ZNF726: variants seen among roughly 807,000 people sequenced by gnomAD.
ZNF726 encodes zinc finger protein 726.
A neutral mutation model predicts 11.6 loss-of-function variants in ZNF726; 15 were observed. The observed-to-expected ratio is 1.29, with a 90% CI of 0.86 to 1.99. The LOEUF (loss-of-function observed/expected upper bound fraction) is 1.99, where lower values mean the gene tolerates loss of function less well. Among genes scored for constraint, ZNF726 ranks in the 30% most tolerant of loss-of-function variants. The pLI, the probability that ZNF726 is intolerant of heterozygous loss-of-function variation, is 0.00. For synonymous variants in ZNF726, 295 were observed against 243.6 expected, an observed-to-expected ratio of 1.21 and a Z score of -1.96; for missense variants, 890 against 725.6, an observed-to-expected ratio of 1.23 and a Z score of -2.60.
At chr19:23,929,925 G>A (rs1001765609) in intron 3 of ZNF726, among the ~76,000 whole-genome samples, 1 of 151,994 alleles carries the variant, frequency 6.6e-6, no homozygotes, top group African/African-American at 2.4e-5. Flanking sequence ...GTTTTATGAT[G>A]CTGTCCAGTA....
intron 3 of ZNF726, among the ~76,000 whole-genome samples, chr19:23,922,137 G>A (rs1274363785): frequency 3.3e-5 from 5 of 152,210 alleles, no homozygotes; most frequent in Admixed American, 6.5e-5. Context: ...TTGTTAAACA[G>A]GGCTTGGATA....
At chr19:23,935,440 C>T (rs1226978485), downstream of ZNF726, 5 of 517,660 alleles carry the variant, frequency 9.7e-6, 1 homozygote, top group Admixed American at 5.9e-5. Flanking sequence ...GATAAGATAA[C>T]TCATATTGGA....
chr19:23,942,623 T>C lies in ZNF726; in HGVS notation c.227-871T>C, dbSNP rs186008832. On this transcript the variant is annotated intron_variant, in intron 3 of 4. Coordinates refer to the ZNF726 transcript ENST00000334589. ...TTTCTTAGGTCTATTAATAATTGTT[T>C]TATAAATTTTGGAGCTCCAGTGTTA... Among the ~76,000 whole-genome samples, 21 of 152,318 alleles carry C rather than the reference T, an allele frequency of 1.4e-4. No homozygotes were observed. In the East Asian group the frequency reaches 3.3e-3, roughly 24 times the overall value.
rs754901839 is a variant in ZNF726 at position 23,920,125 on chromosome 19, CA to C, written c.226+45del. The C allele has an allele frequency of 7.3e-6, 10 of 1,362,234 alleles. No individual in the cohort carries two copies. The East Asian group carries it at 2.6e-4, about 35-fold the overall frequency. 84.4% of individuals were successfully genotyped at this position (1,362,234 alleles called of 1,614,324 possible). Reference sequence around the variant, plus strand: ...CAACAGATGACCTGGATGAGAGGTCCAACGTCAAGAAGAAAGCCAGTCTTTA... The same window carrying C: ...CAACAGATGACCTGGATGAGAGGTCCACGTCAAGAAGAAAGCCAGTCTTTA... On this transcript the variant is annotated intron_variant, in intron 3 of 3. Transcript: ENST00000594466.
chr19:23,936,710 T>G (rs1968237791), downstream of ZNF726, among the ~76,000 whole-genome samples: 1 of 99,420 alleles, frequency 1.0e-5, no homozygotes, highest in African/African-American at 4.2e-5. Flanking sequence ...AAGAAAAACT[T>G]TTTTTTTTTC....
chr19:23,931,936 G>A (rs1033323137), intron 3 of ZNF726, among the ~76,000 whole-genome samples: 7 of 151,984 alleles, frequency 4.6e-5, no homozygotes, highest in Admixed American at 3.9e-4. Context: ...TCCAAAAAAA[G>A]CCCCTAAAAG....
intron 3 of ZNF726, among the ~76,000 whole-genome samples, chr19:23,925,713 CTTTTTTTTTTTTTTTTTT>C (rs1207103965): frequency 1.8e-5 from 2 of 112,602 alleles, no homozygotes; most frequent in South Asian, 5.6e-4. Flanking sequence ...TTTTTCTTTT[CTTTTTTTTTTTTTTTTTT>C]TGGGAGATGA....
rs1174822280 is a variant in ZNF726, at chr19:23,933,959, C to A, written c.1843C>A (p.His615Asn). Residue 615 changes from histidine (H) to asparagine (N), a missense_variant, in exon 4 of 4, where the codon CAT becomes AAT. His to Asn is a moderately conservative substitution (Grantham distance 68). Coordinates refer to ENST00000594466, the MANE Select transcript of ZNF726 (RefSeq NM_001244038.2). ...SSTLFKHKRI[H>N]T is the part of the protein sequence containing the mutation. ...AACCCTTTTTAAGCATAAGAGGATT[C>A]ATACTTGAGAGAAACCTTAAAAAGG... 1.9e-6 allele frequency: 3 copies of A among 1,576,088 alleles called. No homozygotes were observed. Among genetic ancestry groups the A allele is most frequent in the Admixed American group, 3.7e-5 (2 of 53,900 alleles).
At chr19:23,935,401 C>G (rs578060941), downstream of ZNF726, 5 of 523,804 alleles carry the variant, frequency 9.5e-6, no homozygotes, top group African/African-American at 7.7e-5. Flanking sequence ...ATTGGCAAAG[C>G]CTTTAACCAG....
intron 1 of ZNF726, 104 bp downstream of exon 1, chr19:23,915,101 A>C: frequency 2.6e-6 from 4 of 1,560,336 alleles, no homozygotes; most frequent in South Asian, 1.1e-5. Context: ...TCAGTTTTAC[A>C]ATCTGCGCCC....
At chr19:23,940,582 G>A (rs968157847) in intron 3 of ZNF726, among the ~76,000 whole-genome samples, 25 of 152,180 alleles carry the variant, frequency 1.6e-4, no homozygotes, top group Non-Finnish European at 2.8e-4. Flanking sequence ...GCTTTAGGCA[G>A]TATGGTCATT....
chr19:23,926,477 C>A (rs1312325781), intron 3 of ZNF726, among the ~76,000 whole-genome samples: 2 of 151,220 alleles, frequency 1.3e-5, no homozygotes, highest in Non-Finnish European at 1.5e-5. Flanking sequence ...TCACTTGAAC[C>A]CAGGAGGCGG....
chr19:23,933,978 A>T lies in ZNF726; in HGVS notation c.*11A>T. On this transcript the variant is annotated 3_prime_UTR_variant, in exon 4 of 4. Transcript: ENST00000594466. ...AGGATTCATACTTGAGAGAAACCTT[A>T]AAAAGGGTAAAGAATGTGGCAAAGC... 1.3e-6 allele frequency: 2 copies of T among 1,576,988 alleles called. No individual in the cohort carries two copies. The highest frequency in any genetic ancestry group is 1.7e-6 in the Non-Finnish European group (2 of 1,160,796).
At chr19:23,925,199 C>T (rs1187944664) in intron 3 of ZNF726, among the ~76,000 whole-genome samples, 1 of 151,902 alleles carries the variant, frequency 6.6e-6, no homozygotes, top group African/African-American at 2.4e-5. Context: ...AATAATATTC[C>T]ATTGTATCAA....
chr19:23,924,606 G>A (rs995764798), intron 3 of ZNF726, among the ~76,000 whole-genome samples: 3 of 152,086 alleles, frequency 2.0e-5, no homozygotes, highest in Admixed American at 6.5e-5. Context: ...ATGTCAGGGC[G>A]AGGCAATGTG....
intron 3 of ZNF726, among the ~76,000 whole-genome samples, chr19:23,926,450 A>C (rs546300304): frequency 2.0e-5 from 3 of 151,674 alleles, no homozygotes; most frequent in Non-Finnish European, 4.4e-5. Flanking sequence ...GCAACTCAGG[A>C]GGTTGAGGTG....
chr19:23,920,413 A>G (rs1967815485), intron 3 of ZNF726: 1 of 169,420 alleles, frequency 5.9e-6, no homozygotes, highest in Non-Finnish European at 1.3e-5. Flanking sequence ...GAGACACTCT[A>G]TGTTAAAATT....
At chr19:23,923,342 G>T in intron 3 of ZNF726, 3 of 375,130 alleles carry the variant, frequency 8.0e-6, no homozygotes, top group Non-Finnish European at 1.0e-5. Flanking sequence ...TTTCTCATTA[G>T]CATCTCCTAT....
intron 3 of ZNF726, chr19:23,923,349 C>T (rs1037404879): frequency 5.2e-6 from 2 of 381,620 alleles, no homozygotes; most frequent in African/African-American, 4.5e-5. Flanking sequence ...TTAGCATCTC[C>T]TATTTATGAT....
Sources: allele counts gnomAD v4.1 joint callset (sites outside exome capture counted in the v4.1 genomes callset), GRCh38; gene constraint gnomAD v4.1.1; transcripts MANE v1.5; gene names NCBI Gene and HGNC (gene_info 2026-07-23, HGNC 2026-07-21).